The following REDIC1 variants were observed in gnomAD, a reference collection of about 807,000 sequenced individuals.
REDIC1 encodes regulator of DNA class I crossover intermediates 1, also known as HEI10 Interacting Protein 1.
chr12:39,706,463 T>C, the REDIC1 span, among the ~76,000 whole-genome samples: 2 of 152,136 alleles, frequency 1.3e-5, no homozygotes, highest in South Asian at 4.1e-4. Context: ...AATTCCAAAA[T>C]GTATATGGAA....
chr12:39,906,165 G>T, the REDIC1 span, among the ~76,000 whole-genome samples: 1 of 152,000 alleles, frequency 6.6e-6, no homozygotes, highest in African/African-American at 2.4e-5. Context: ...GTTCATCTTA[G>T]CACAGCTTCC....
At chr12:39,750,108 G>A in the REDIC1 span, among the ~76,000 whole-genome samples, 1 of 152,168 alleles carries the variant, frequency 6.6e-6, no homozygotes. Context: ...TATTCAATTA[G>A]GAAAAGAGGA....
At chr12:39,686,461 C>A in the REDIC1 span, among the ~76,000 whole-genome samples, 1 of 152,190 alleles carries the variant, frequency 6.6e-6, no homozygotes, top group African/African-American at 2.4e-5. Context: ...CCCTTTGAGC[C>A]ATGGCTGGAG....
At chr12:39,670,266 C>A in the REDIC1 span, among the ~76,000 whole-genome samples, 15 of 152,208 alleles carry the variant, frequency 9.9e-5, no homozygotes, top group Non-Finnish European at 2.1e-4. Context: ...TCTCAGCTCA[C>A]TGCAACCTCT....
At chr12:39,867,475 C>CA in the REDIC1 span, among the ~76,000 whole-genome samples, 306 of 146,062 alleles carry the variant, frequency 2.1e-3, no homozygotes, top group Admixed American at 4.8e-3. Context: ...AAAACAAAAA[C>CA]AAAAAAAAAA....
chr12:39,639,335 G>A, the REDIC1 span, among the ~76,000 whole-genome samples: 1 of 151,826 alleles, frequency 6.6e-6, no homozygotes, highest in Non-Finnish European at 1.5e-5. Context: ...GGACTCTAGC[G>A]AGTCCACCCT....
At chr12:39,790,658 T>G in the REDIC1 span, among the ~76,000 whole-genome samples, 253 of 117,728 alleles carry the variant, frequency 2.1e-3, 2 homozygotes, top group African/African-American at 7.7e-3. Flanking sequence ...TTTGCTATTG[T>G]GAATAATGCC....
chr12:39,678,301 G>A, the REDIC1 span, among the ~76,000 whole-genome samples: 104,956 of 151,920 alleles, frequency 0.69, 36,527 homozygotes, highest in Non-Finnish European at 0.74. Flanking sequence ...CAAGGCTACT[G>A]TGAACACCTT....
At chr12:39,792,919 G>C in the REDIC1 span, among the ~76,000 whole-genome samples, 1 of 151,950 alleles carries the variant, frequency 6.6e-6, no homozygotes, top group Admixed American at 6.6e-5. Context: ...TTTCTCTATG[G>C]TATCTTTTTG....
At chr12:39,898,563 G>T in the REDIC1 span, among the ~76,000 whole-genome samples, 1 of 152,072 alleles carries the variant, frequency 6.6e-6, no homozygotes, top group Non-Finnish European at 1.5e-5. Flanking sequence ...AAAATAGCTG[G>T]CTTGTCTTTA....
At chr12:39,699,334 G>T in the REDIC1 span, among the ~76,000 whole-genome samples, 1 of 152,216 alleles carries the variant, frequency 6.6e-6, no homozygotes, top group Non-Finnish European at 1.5e-5. Context: ...AAAGAAAGGG[G>T]TGACAGACGG....
At chr12:39,731,191 C>T in the REDIC1 span, among the ~76,000 whole-genome samples, 2 of 152,124 alleles carry the variant, frequency 1.3e-5, no homozygotes, top group Non-Finnish European at 2.9e-5. Context: ...CAGTTTTGTT[C>T]CCTTGCTGGG....
At chr12:39,809,445 G>T in the REDIC1 span, among the ~76,000 whole-genome samples, 607 of 152,152 alleles carry the variant, frequency 4.0e-3, 5 homozygotes, top group Non-Finnish European at 3.7e-3. Flanking sequence ...TGTTTATAGG[G>T]ATTATGATTA....
At chr12:39,888,796 A>G in the REDIC1 span, among the ~76,000 whole-genome samples, 1 of 152,192 alleles carries the variant, frequency 6.6e-6, no homozygotes. Flanking sequence ...AAAATTTTAT[A>G]ATATTATATT....
the REDIC1 span, among the ~76,000 whole-genome samples, chr12:39,769,558 C>G: frequency 6.6e-6 from 1 of 151,742 alleles, no homozygotes; most frequent in Non-Finnish European, 1.5e-5. Context: ...TGTAGGCTTC[C>G]TTCCTCCCTC....
chr12:39,662,090 C>A, the REDIC1 span, among the ~76,000 whole-genome samples: 1 of 151,868 alleles, frequency 6.6e-6, no homozygotes, highest in Non-Finnish European at 1.5e-5. Context: ...GATGCCTCCA[C>A]CTTTGTTCTT....
At chr12:39,814,182 C>A in the REDIC1 span, among the ~76,000 whole-genome samples, 1 of 152,044 alleles carries the variant, frequency 6.6e-6, no homozygotes, top group Middle Eastern at 3.2e-3. Context: ...GTTAATCAAC[C>A]ATTCTGATGT....
chr12:39,787,896 G>A, the REDIC1 span, among the ~76,000 whole-genome samples: 1 of 152,106 alleles, frequency 6.6e-6, no homozygotes, highest in Non-Finnish European at 1.5e-5. Context: ...GTAAAGAGTG[G>A]TATTGATGAA....
chr12:39,750,906 T>C, the REDIC1 span, among the ~76,000 whole-genome samples: 3 of 152,270 alleles, frequency 2.0e-5, no homozygotes, highest in South Asian at 4.2e-4. Flanking sequence ...TATACAAAAA[T>C]TAATTCAAGA....
Sources: allele counts gnomAD v4.1 joint callset (sites outside exome capture counted in the v4.1 genomes callset), GRCh38; gene constraint gnomAD v4.1.1; transcripts MANE v1.5; gene names NCBI Gene and HGNC (gene_info 2026-07-23, HGNC 2026-07-21).